HSPG2: variants seen among roughly 807,000 people sequenced by gnomAD.
HSPG2 encodes the protein basement membrane-specific heparan sulfate proteoglycan core protein.
A neutral mutation model predicts 526.6 loss-of-function variants in HSPG2; 278 were observed. The ratio of observed to expected loss-of-function variants is 0.53; its 90% CI spans 0.48 to 0.58. The LOEUF (loss-of-function observed/expected upper bound fraction) is 0.58. HSPG2 is among the 20% of genes least tolerant of loss of function. The pLI, the probability that HSPG2 is intolerant of heterozygous loss-of-function variation, is 0.00. For missense variants in HSPG2, 5,354 were observed against 6,099.5 expected, an observed-to-expected ratio of 0.88 and a Z score of 4.07; for synonymous variants, 2,465 against 2,555.4, an observed-to-expected ratio of 0.96 and a Z score of 1.07.
At position 21,890,486 on chromosome 1, in the gene HSPG2, C is replaced by T. The variant is rs1227549448; in HGVS notation, c.355-1G>A. The T allele has an allele frequency of 4.3e-6, 7 of 1,614,058 alleles. No homozygotes were observed. The highest frequency in any genetic ancestry group is 5.9e-6 in the Non-Finnish European group (7 of 1,180,008). On this transcript the variant is annotated splice_acceptor_variant, in intron 4 of 96. Transcript: ENST00000374695. LOFTEE classifies it high-confidence loss of function. This position sits in a 1 kb window ranked among gnomAD's most constrained non-coding sequence, Gnocchi z 4.1. ...GAATTTTCAAGTACTCCGACTCCAG[C>T]TGGGGAGGGACACAGTGCCATCAGC...
At position 21,887,702 on chromosome 1, in the gene HSPG2, G is replaced by T. The variant is rs1445618658; in HGVS notation, c.704-28C>A. On this transcript the variant is annotated intron_variant, in intron 7 of 96. Transcript: ENST00000374695. The surrounding 1 kb of genome is among the most constrained non-coding windows in gnomAD (Gnocchi z 5.0). ...GTGGATAGATTCCGCTTGGCATTTGGCAGAAGCAGATGGCTCCTCACCTGC... is the reference window on the plus strand; with the variant it reads ...GTGGATAGATTCCGCTTGGCATTTGTCAGAAGCAGATGGCTCCTCACCTGC... 1 of 1,613,646 alleles carries T rather than the reference G, an allele frequency of 6.2e-7. No individual in the cohort carries two copies. The highest frequency in any genetic ancestry group is 1.3e-5 in the African/African-American group (1 of 74,868).
In HSPG2 at chr1:21,864,777, C is replaced by G. The variant is rs1640094296; in HGVS notation, c.4626+66G>C. On this transcript the variant is annotated intron_variant, in intron 36 of 96. Transcript: ENST00000374695. This position sits in a 1 kb window ranked among gnomAD's most constrained non-coding sequence, Gnocchi z 4.8. ...GATGGTAATCAAGGCTGCGGCGACG[C>G]CGGCTGATTTGCTTGCTGATGCCTC... 2.2e-6 allele frequency: 3 copies of G among 1,369,430 alleles called. No individual in the cohort carries two copies. In the Admixed American group the frequency reaches 5.7e-5, roughly 26 times the overall value. The allele number at this position is 1,369,430 out of a possible 1,614,324, so 84.8% of individuals were successfully genotyped here.
chr1:21,866,605 A>T (rs1640251731), intron 33 of HSPG2, among the ~76,000 whole-genome samples: 1 of 152,196 alleles, frequency 6.6e-6, no homozygotes, highest in South Asian at 2.1e-4. Context: ...GAGCCGATAG[A>T]TTCTTTGTTG....
chr1:21,900,613 C>A (rs1052513503), intron 1 of HSPG2, among the ~76,000 whole-genome samples: 3 of 152,054 alleles, frequency 2.0e-5, no homozygotes, highest in African/African-American at 7.2e-5. Flanking sequence ...GAGTGGGGCA[C>A]AGAATGGAGA....
At chr1:21,824,000 C>T in intron 95 of HSPG2, 121 bp downstream of exon 95, 1 of 1,037,274 alleles carries the variant, frequency 9.6e-7, no homozygotes, top group Non-Finnish European at 1.5e-6. Context: ...TTCTCCCCTC[C>T]CCTGGCTTCA....
intron 13 of HSPG2, among the ~76,000 whole-genome samples, chr1:21,882,161 A>G (rs1012358196): frequency 5.9e-5 from 9 of 151,838 alleles, no homozygotes; most frequent in African/African-American, 2.2e-4. Flanking sequence ...AGACCCACAG[A>G]CTTTCAGGGC....
chr1:21,937,247 TCGCTCCGCGCCGCC>T lies in HSPG2; in HGVS notation c.-44_-31del, dbSNP rs1291055704. ...CGGCCCGCGCCGCTCTCTCGCTCGC[TCGCTCCGCGCCGCC>T]CGCTCCGCGCCGCCCGCAGCCGCCC... On this transcript the variant is annotated 5_prime_UTR_variant, in exon 1 of 97. Coordinates refer to ENST00000374695, the MANE Select transcript of HSPG2 (RefSeq NM_005529.7). 1.4e-4 allele frequency: 117 copies of T among 850,612 alleles called. No homozygotes were observed. Among genetic ancestry groups the T allele is most frequent in the African/African-American group, 8.8e-4 (40 of 45,520 alleles). The allele number at this position is 850,612 out of a possible 1,614,324, so 52.7% of individuals were successfully genotyped here.
At chr1:21,841,694 G>C (rs1254416896) in intron 69 of HSPG2, 21 bp from the exon 70 acceptor site, 1 of 1,613,858 alleles carries the variant, frequency 6.2e-7, no homozygotes, top group Non-Finnish European at 8.5e-7. Flanking sequence ...GCATGGGGGA[G>C]GGTGAGAGAG....
At chr1:21,930,224 A>G (rs1487425762) in intron 1 of HSPG2, among the ~76,000 whole-genome samples, 1 of 152,174 alleles carries the variant, frequency 6.6e-6, no homozygotes, top group Non-Finnish European at 1.5e-5. Context: ...CTTTCCATTG[A>G]TATCTGCGAG....
intron 1 of HSPG2, among the ~76,000 whole-genome samples, chr1:21,916,284 G>T (rs1255599425): frequency 6.6e-6 from 1 of 152,116 alleles, no homozygotes; most frequent in Non-Finnish European, 1.5e-5. Flanking sequence ...GGTGGATCAT[G>T]AGGTCAGGAG....
chr1:21,929,884 G>C (rs1481045436), intron 1 of HSPG2, among the ~76,000 whole-genome samples: 1 of 152,118 alleles, frequency 6.6e-6, no homozygotes, highest in East Asian at 1.9e-4. Flanking sequence ...GTCCTAGCTT[G>C]AGCTCCCATC....
chr1:21,871,962 G>C (rs1640683837), intron 33 of HSPG2, among the ~76,000 whole-genome samples: 1 of 152,224 alleles, frequency 6.6e-6, no homozygotes, highest in Non-Finnish European at 1.5e-5. Context: ...TGCCAGGCAC[G>C]ATCTCCAATC....
chr1:21,831,185 A>C, intron 84 of HSPG2, 30 bp downstream of exon 84: 11 of 1,602,478 alleles, frequency 6.9e-6, no homozygotes, highest in African/African-American at 2.7e-5. Context: ...AGGCCACGGC[A>C]GCCAGGTGGT....
chr1:21,889,477 C>T (rs956544433), intron 6 of HSPG2, among the ~76,000 whole-genome samples: 2 of 152,218 alleles, frequency 1.3e-5, no homozygotes, highest in African/African-American at 4.8e-5. Flanking sequence ...CTGTCACAGA[C>T]ACCGAGTTTG....
rs374739248 is a variant in HSPG2, at chr1:21,887,058, C to G, written c.1078+157G>C. ...CTTGGGGTGTGTCTCCAGGGCCTTC[C>G]GCACTCAGCCAGGGAGAGCAAACAA... is the stretch of plus-strand genomic sequence containing the variant. On this transcript the variant is annotated intron_variant, in intron 9 of 96. Transcript: ENST00000374695. The surrounding 1 kb of genome is among the most constrained non-coding windows in gnomAD (Gnocchi z 5.0). Among the ~76,000 whole-genome samples the G allele has an allele frequency of 2.0e-5, 3 of 146,564 alleles. No individual in the cohort carries two copies. Among genetic ancestry groups the G allele is most frequent in the Non-Finnish European group, 4.5e-5 (3 of 66,528 alleles).
At chr1:21,832,781 G>T (rs765179269) in intron 80 of HSPG2, 175 bp from the exon 81 acceptor site, 1 of 615,042 alleles carries the variant, frequency 1.6e-6, no homozygotes, top group Non-Finnish European at 2.9e-6. Context: ...TGCCCCAAAC[G>T]CAAGGGCCTT....
intron 37 of HSPG2, among the ~76,000 whole-genome samples, chr1:21,863,830 A>AC (rs1640016351): frequency 6.6e-6 from 1 of 152,168 alleles, no homozygotes; most frequent in South Asian, 2.1e-4. Flanking sequence ...ACAAAGTGAG[A>AC]CCCCATCTGT....
At position 21,875,640 on chromosome 1, in the gene HSPG2, G is replaced by A. The variant is rs1187248628; in HGVS notation, c.3291C>T (p.Pro1097=). 1.4e-5 allele frequency: 22 copies of A among 1,601,274 alleles called. No homozygotes were observed. The highest frequency in any genetic ancestry group is 4.4e-5 in the South Asian group (4 of 91,076). ...CCGGCTCCAGACACCTGCTCTCAGC[G>A]GGCTGCTGGGCGTAGGATGCTCGGA... ...LLIRASYAQQ[P]AESRVSGISM... is the part of the protein sequence containing the mutation. Residue 1097 remains proline (P), a synonymous_variant, in exon 25 of 97, where the codon CCC becomes CCT. Coordinates refer to ENST00000374695, the MANE Select transcript of HSPG2 (RefSeq NM_005529.7).
At chr1:21,914,362 G>A (rs932601946) in intron 1 of HSPG2, among the ~76,000 whole-genome samples, 8 of 151,932 alleles carry the variant, frequency 5.3e-5, no homozygotes, top group Admixed American at 2.0e-4. Flanking sequence ...CAGGCACCAG[G>A]AGCAGCATCT....
Sources: allele counts gnomAD v4.1 joint callset (sites outside exome capture counted in the v4.1 genomes callset), GRCh38; gene constraint gnomAD v4.1.1; non-coding constraint Gnocchi (gnomAD v3.1); transcripts MANE v1.5; gene names NCBI Gene and HGNC (gene_info 2026-07-23, HGNC 2026-07-21).